The following DGLUCY variants were observed in gnomAD, a reference collection of about 807,000 sequenced individuals.
The protein encoded by DGLUCY is D-glutamate cyclase, mitochondrial.
A neutral mutation model predicts 58.5 loss-of-function variants in DGLUCY; 58 were observed. The observed-to-expected ratio is 0.99, with a 90% CI of 0.80 to 1.23. The LOEUF is 1.23. DGLUCY is among the 50% of genes most tolerant of loss of function. The probability of loss-of-function intolerance (pLI) is 0.00; values close to 1 mark genes in which losing one functional copy is unlikely to be tolerated. For synonymous variants in DGLUCY, 325 were observed against 314.1 expected (o/e 1.03, Z -0.37); for missense variants, 779 against 784.7 (o/e 0.99, Z 0.09).
chr14:91,189,079 C>T lies in DGLUCY; in HGVS notation c.1104C>T (p.Phe368=). The T allele has an allele frequency of 5.0e-6, 8 of 1,614,140 alleles. No individual in the cohort carries two copies. Among genetic ancestry groups the T allele is most frequent in the Middle Eastern group, 1.6e-4 (1 of 6,062 alleles). The change falls in exon 9 of 14, where the codon TTC becomes TTT. Residue 368 remains phenylalanine (F), a synonymous_variant. Transcript: ENST00000256324. ...GPPGAVALVA[F]LQALEKEVAI... ...CAGGAGCTGTTGCTCTGGTTGCCTT[C>T]CTGCAGGCCTTGGAGAAGGAGGTCG...
intron 3 of DGLUCY, among the ~76,000 whole-genome samples, chr14:91,165,992 C>G (rs146689177): frequency 2.0e-5 from 3 of 152,270 alleles, no homozygotes; most frequent in African/African-American, 4.8e-5. Context: ...CATGAATATA[C>G]TAGGCAGCAG....
At chr14:91,191,983 C>A (rs139305415) in intron 9 of DGLUCY, among the ~76,000 whole-genome samples, 4 of 152,232 alleles carry the variant, frequency 2.6e-5, no homozygotes, top group African/African-American at 7.2e-5. Flanking sequence ...TTAAAAACAG[C>A]AAATACCATA....
chr14:91,103,936 C>T (rs575621422), upstream of DGLUCY, among the ~76,000 whole-genome samples: 29 of 152,200 alleles, frequency 1.9e-4, no homozygotes, highest in East Asian at 5.6e-3. Flanking sequence ...TCTCCTCTCC[C>T]TTGCCTCCCA....
intron 1 of DGLUCY, among the ~76,000 whole-genome samples, chr14:91,123,321 A>G (rs1189855913): frequency 6.6e-6 from 1 of 152,160 alleles, no homozygotes; most frequent in African/African-American, 2.4e-5. Flanking sequence ...GCATATTCCC[A>G]TGCTGCAAAG....
At position 91,185,271 on chromosome 14, in the gene DGLUCY, A is replaced by ATTTTTTTTTTTTT. The variant is rs35639010; in HGVS notation, c.935-3622_935-3610dup. 2.3e-4 allele frequency among the ~76,000 whole-genome samples: 9 copies of ATTTTTTTTTTTTT among 38,378 alleles called. 1 individual carries two copies. The highest frequency in any genetic ancestry group is 4.8e-4 in the African/African-American group (5 of 10,466). The allele number at this position is 38,378 out of a possible 152,430, so 25.2% of individuals were successfully genotyped here. A position where few individuals can be genotyped will look rare whatever the true frequency, so the allele number is the denominator to read the frequency against. On this transcript the variant is annotated intron_variant, in intron 8 of 13. Transcript: ENST00000256324. ...GGTGTGAGCCACCGTGCCCAGCCGG[A>ATTTTTTTTTTTTT]TTTTTTTTTTTTTTTTTTTTTTTTT...
At chr14:91,105,718 A>G (rs565671658), upstream of DGLUCY, among the ~76,000 whole-genome samples, 11 of 152,364 alleles carry the variant, frequency 7.2e-5, no homozygotes, top group East Asian at 1.9e-3. Flanking sequence ...GTTTTAAAGT[A>G]TGTTTTAAAC....
intron 1 of DGLUCY, among the ~76,000 whole-genome samples, chr14:91,065,280 G>C (rs2043801884): frequency 6.6e-6 from 1 of 152,192 alleles, no homozygotes; most frequent in Admixed American, 6.6e-5. Context: ...ATAGTGAAGT[G>C]TCTTTCTCTA....
intron 10 of DGLUCY, 42 bp from the exon 11 acceptor site, chr14:91,199,715 C>T (rs1379135392): frequency 5.0e-6 from 8 of 1,600,176 alleles, no homozygotes; most frequent in Non-Finnish European, 6.8e-6. Context: ...GCAGCCACCT[C>T]TCCATAGGAC....
rs752836635 is a variant in DGLUCY, at chr14:91,160,366, A to C, written c.72A>C (p.Pro24=). The change falls in exon 3 of 14, where the codon CCA becomes CCC. Residue 24 remains proline (P), a synonymous_variant. Coordinates refer to ENST00000256324, the MANE Select transcript of DGLUCY (RefSeq NM_001102368.3). The stretch of plus-strand genomic sequence containing the variant: ...GGAGTTTGATTCTACAAAAGAAACC[A>C]AACATCAGAAATACATCCAGCATGG... ...AIRSLILQKK[P]NIRNTSSMAG... The C allele has an allele frequency of 1.2e-6, 2 of 1,610,084 alleles. No homozygotes were observed. Among genetic ancestry groups the C allele is most frequent in the East Asian group, 4.5e-5 (2 of 44,738 alleles).
At chr14:91,155,600 A>G (rs115435023) in intron 1 of DGLUCY, among the ~76,000 whole-genome samples, 2,064 of 152,208 alleles carry the variant, frequency 0.014, 41 homozygotes, top group African/African-American at 0.047. Flanking sequence ...ATTTGAGCCC[A>G]GGAGTTTAAG....
At chr14:91,076,463 A>G (rs1383768582) in intron 1 of DGLUCY, among the ~76,000 whole-genome samples, 1 of 152,050 alleles carries the variant, frequency 6.6e-6, no homozygotes, top group Non-Finnish European at 1.5e-5. Context: ...TTTCTTCCTG[A>G]ATCTTTTCCA....
At chr14:91,186,678 A>T (rs1015711434) in intron 8 of DGLUCY, among the ~76,000 whole-genome samples, 9 of 152,280 alleles carry the variant, frequency 5.9e-5, no homozygotes, top group African/African-American at 1.9e-4. Flanking sequence ...GCCCATGATG[A>T]CTTTGTTAGG....
chr14:91,073,702 C>CA (rs2043961054), intron 1 of DGLUCY, among the ~76,000 whole-genome samples: 1 of 152,068 alleles, frequency 6.6e-6, no homozygotes, highest in Non-Finnish European at 1.5e-5. Context: ...CCCTGAGGAG[C>CA]AGCCTCTAGG....
At position 91,063,264 on chromosome 14, in the gene DGLUCY, T is replaced by G. The variant is rs2043763042; in HGVS notation, c.-82+2560T>G. ...ACACAGGAAGACTTTTTTTTTTTTT[T>G]TCTTACCTCCTTTGCAGTTAGGTTA... On this transcript the variant is annotated intron_variant, in intron 1 of 4. Transcript: ENST00000521334. Among the ~76,000 whole-genome samples the G allele has an allele frequency of 1.3e-5, 2 of 152,066 alleles. 1 individual carries two copies. The highest frequency in any genetic ancestry group is 1.3e-4 in the Admixed American group (2 of 15,268).
intron 13 of DGLUCY, among the ~76,000 whole-genome samples, chr14:91,222,894 ACT>A (rs1298228361): frequency 2.6e-5 from 4 of 151,938 alleles, no homozygotes; most frequent in Admixed American, 1.3e-4. Context: ...ACTGGTGGGG[ACT>A]CTCTTCCTGG....
At position 91,172,671 on chromosome 14, in the gene DGLUCY, G is replaced by A. The variant is rs1297651271; in HGVS notation, c.457-618G>A. On this transcript the variant is annotated intron_variant, in intron 5 of 13. Coordinates refer to ENST00000256324, the MANE Select transcript of DGLUCY (RefSeq NM_001102368.3). ...TCCTTTTTTTTTTTTCTTTGAGATGGAGTCTTGCTCTGTCACCCAGGCCGG... is the reference window on the plus strand; with the variant it reads ...TCCTTTTTTTTTTTTCTTTGAGATGAAGTCTTGCTCTGTCACCCAGGCCGG... Among the ~76,000 whole-genome samples, 6 of 151,468 alleles carry A rather than the reference G, an allele frequency of 4.0e-5. 1 individual carries two copies. The highest frequency in any genetic ancestry group is 3.3e-4 in the Admixed American group (5 of 15,192).
chr14:91,177,537 C>CA (rs1187724490), intron 7 of DGLUCY, among the ~76,000 whole-genome samples: 1 of 152,208 alleles, frequency 6.6e-6, no homozygotes, highest in Non-Finnish European at 1.5e-5. Flanking sequence ...AATGAAGAGA[C>CA]ACACGAGGGC....
chr14:91,108,473 G>A (rs955760777), intron 1 of DGLUCY, among the ~76,000 whole-genome samples: 1 of 143,628 alleles, frequency 7.0e-6, no homozygotes, highest in African/African-American at 2.6e-5. Context: ...TCACTGGAAA[G>A]GCCCTTGAAG....
intron 2 of DGLUCY, 90 bp from the exon 3 acceptor site, chr14:91,160,176 T>C: frequency 1.2e-6 from 1 of 814,470 alleles, no homozygotes; most frequent in Non-Finnish European, 2.1e-6. Flanking sequence ...GGGTAGGATG[T>C]GATGTGGTAT....
Sources: gnomAD v4.1 joint callset for allele counts (sites outside exome capture counted in the v4.1 genomes callset) on GRCh38, gnomAD v4.1.1 for gene constraint, MANE v1.5 for transcripts, NCBI Gene and HGNC (gene_info 2026-07-23, HGNC 2026-07-21) for gene names.